Variants in SHKBP1 observed in about 807,000 individuals in gnomAD.
The protein encoded by SHKBP1 is SH3KBP1 binding protein 1, also known as SH3KBP1-binding protein 1.
Under a neutral mutation model 83.9 loss-of-function variants are expected in SHKBP1, and 71 were observed. The ratio of observed to expected loss-of-function variants is 0.85; its 90% CI spans 0.70 to 1.03. The LOEUF is 1.03. Ranked by LOEUF, SHKBP1 falls within the 50% of genes least tolerant of loss-of-function variation. The pLI, the probability that SHKBP1 is intolerant of heterozygous loss-of-function variation, is 0.00. For missense variants in SHKBP1, 824 were observed against 982.4 expected (o/e 0.84, Z 2.16); for synonymous variants, 371 against 398.0 (o/e 0.93, Z 0.81).
At chr19:40,577,125 C>T (rs2081220988) in intron 1 of SHKBP1, 106 bp from the exon 2 acceptor site, 12 of 1,420,126 alleles carry the variant, frequency 8.4e-6, no homozygotes, top group Admixed American at 7.8e-5. Flanking sequence ...TCTGGAAAAA[C>T]GCCGGGGGAG....
chr19:40,584,805 T>G (rs758925667), intron 12 of SHKBP1, among the ~76,000 whole-genome samples: 10 of 152,188 alleles, frequency 6.6e-5, no homozygotes, highest in Non-Finnish European at 1.3e-4. Flanking sequence ...CTACTTTAAG[T>G]AGAGACTGGG....
In SHKBP1 at chr19:40,580,795, G is replaced by A; in HGVS notation, c.703G>A (p.Asp235Asn). The change falls in exon 9 of 18, where the codon GAC (aspartate) becomes AAC (asparagine). Residue 235 changes from aspartate to asparagine, a missense_variant. Physicochemically the swap from Asp to Asn is conservative, Grantham distance 23. Around this residue, in one of 3 missense-constraint regions of SHKBP1, gnomAD observed 355 missense variants for 386.4 expected, o/e 0.92. Transcript: ENST00000291842. ...GCTGGTGTTTTCCAGCCCCCGCCTG[G>A]ACTGGCCCATCGAACGACTGGCGCT... The part of the protein sequence containing the change: ...WQLVFSSPRL[D>N]WPIERLALTA... The A allele has an allele frequency of 6.2e-7, 1 of 1,612,796 alleles. No individual in the cohort carries two copies. Among genetic ancestry groups the A allele is most frequent in the Non-Finnish European group, 8.5e-7 (1 of 1,179,284 alleles).
chr19:40,591,227 G>A lies in SHKBP1; in HGVS notation c.*20G>A, dbSNP rs371963751. On this transcript the variant is annotated 3_prime_UTR_variant, in exon 18 of 18. Coordinates refer to ENST00000291842, the MANE Select transcript of SHKBP1 (RefSeq NM_138392.4). ...TTTTGAACAACGCAGCTGCCATGAT[G>A]CCTTGGGATGCCCTGGTCCTGGGGG... 1.9e-6 allele frequency: 3 copies of A among 1,550,246 alleles called. No individual in the cohort carries two copies. The highest frequency in any genetic ancestry group is 2.7e-5 in the African/African-American group (2 of 73,878).
intron 14 of SHKBP1, 29 bp from the exon 15 acceptor site, chr19:40,589,053 G>T (rs765521124): frequency 5.6e-6 from 9 of 1,601,476 alleles, no homozygotes; most frequent in South Asian, 1.1e-5. Flanking sequence ...ATCCCAGCTG[G>T]CCCTGACCCC....
At chr19:40,582,227 T>A in intron 9 of SHKBP1, 124 bp from the exon 10 acceptor site, 2 of 786,842 alleles carry the variant, frequency 2.5e-6, no homozygotes, top group Non-Finnish European at 2.2e-6. Context: ...CAGCCCCTGA[T>A]GGAATCTTCT....
Position 40,586,447 on chromosome 19 carries a change from A to G in SHKBP1, c.1166-327A>G, listed in dbSNP as rs541530113. On this transcript the variant is annotated intron_variant, in intron 12 of 17. Transcript: ENST00000291842. ...AGTGGCGTGGTCTTGGCTCATTGCAACCTCTGCCTCCTGGGTTCAAGCAAT... is the reference window on the plus strand; with the variant it reads ...AGTGGCGTGGTCTTGGCTCATTGCAGCCTCTGCCTCCTGGGTTCAAGCAAT... 3.3e-4 allele frequency among the ~76,000 whole-genome samples: 50 copies of G among 149,766 alleles called. 2 individuals are homozygous for G. The highest frequency in any genetic ancestry group is 6.8e-3 in the Middle Eastern group (2 of 292).
chr19:40,577,574 C>T lies in SHKBP1; in HGVS notation c.204C>T (p.Asp68=), dbSNP rs2081228334. 3 of 1,613,954 alleles carry T rather than the reference C, an allele frequency of 1.9e-6. No individual in the cohort carries two copies. Among genetic ancestry groups the T allele is most frequent in the Non-Finnish European group, 2.5e-6 (3 of 1,180,020 alleles). ...TCCCGCAGATCTTCATCGACAGGGA[C>T]CCTACAGTCTTCGCCCCCATCCTCA... ...DETGAIFIDR[D]PTVFAPILNF... is the part of the protein sequence containing the mutation. Residue 68 remains aspartate (D), a synonymous_variant, in exon 4 of 18, where the codon GAC becomes GAT. Coordinates refer to ENST00000291842, the MANE Select transcript of SHKBP1 (RefSeq NM_138392.4).
At chr19:40,584,207 A>G (rs1180427363) in intron 12 of SHKBP1, among the ~76,000 whole-genome samples, 3 of 152,218 alleles carry the variant, frequency 2.0e-5, no homozygotes, top group African/African-American at 7.2e-5. Flanking sequence ...AGCACGTTCT[A>G]GGTGCTAGAT....
intron 12 of SHKBP1, chr19:40,585,550 T>TTTTTTTTTTTTTTTTTTTTTTTTC (rs398034634): frequency 1.4e-5 from 2 of 144,710 alleles, no homozygotes; most frequent in South Asian, 2.2e-4. Flanking sequence ...TTTTTTTTTT[T>TTTTTTTTTTTTTTTTTTTTTTTTC]GTCTTTTCCT....
intron 13 of SHKBP1, 81 bp downstream of exon 13, chr19:40,587,025 T>G (rs2081318239): frequency 2.3e-6 from 3 of 1,313,096 alleles, no homozygotes; most frequent in Non-Finnish European, 3.2e-6. Context: ...GAATTTCCAC[T>G]GGGGAGGGAC....
chr19:40,589,322 A>T, intron 15 of SHKBP1, 144 bp downstream of exon 15: 2 of 791,920 alleles, frequency 2.5e-6, no homozygotes, highest in South Asian at 1.6e-5. Context: ...AAAGGCTGGG[A>T]GGGAGGACAG....
chr19:40,588,622 A>G lies in SHKBP1; in HGVS notation c.1337-2A>G. 2 of 1,614,174 alleles carry G rather than the reference A, an allele frequency of 1.2e-6. No individual in the cohort carries two copies. Among genetic ancestry groups the G allele is most frequent in the African/African-American group, 1.3e-5 (1 of 75,060 alleles). ...ACTTCCTGCTCTCCTTGTGCCCCTC[A>G]GTCTGTGCCGACAACAACCACGTGC... is the stretch of plus-strand genomic sequence containing the variant. On this transcript the variant is annotated splice_acceptor_variant, in intron 13 of 17. Coordinates refer to ENST00000291842, the MANE Select transcript of SHKBP1 (RefSeq NM_138392.4). LOFTEE classifies it high-confidence loss of function.
At chr19:40,584,106 A>G (rs1379359194) in intron 12 of SHKBP1, among the ~76,000 whole-genome samples, 1 of 152,042 alleles carries the variant, frequency 6.6e-6, no homozygotes, top group East Asian at 1.9e-4. Flanking sequence ...CCCCCAAAGT[A>G]CTGGGATTAC....
In SHKBP1 at chr19:40,578,140, A is replaced by C; in HGVS notation, c.261-14A>C. 1 of 1,612,498 alleles carries C rather than the reference A, an allele frequency of 6.2e-7. No homozygotes were observed. The highest frequency in any genetic ancestry group is 2.2e-5 in the East Asian group (1 of 44,874). On this transcript the variant is annotated splice_polypyrimidine_tract_variant and intron_variant, in intron 4 of 17. Transcript: ENST00000291842. ...ACACCTAGACCCTGACCTCTAGTCA[A>C]TTCTACTACCCAGGGGTGTCCACGG...
chr19:40,590,304 C>T lies in SHKBP1; in HGVS notation c.1650C>T (p.Cys550=), dbSNP rs752536932. The change falls in exon 16 of 18, where the codon TGC becomes TGT. Residue 550 remains cysteine, a synonymous_variant. Transcript: ENST00000291842. This position sits in a 1 kb window ranked among gnomAD's most constrained non-coding sequence, Gnocchi z 4.6. ...SPTTAFTVLE[C]EGSRRLGSRP... is the part of the protein sequence containing the mutation. ...CGACAGCCTTCACAGTGCTGGAGTG[C>T]GAGGGCTCCCGGCGGCTCGGCTCTC... 1.2e-4 allele frequency: 191 copies of T among 1,608,582 alleles called. 2 individuals are homozygous for T. In the South Asian group the frequency reaches 1.3e-3, roughly 11 times the overall value.
Position 40,576,928 on chromosome 19 carries a change from G to T in SHKBP1, c.29G>T (p.Gly10Val). The change falls in exon 1 of 18, where the codon GGG (glycine) becomes GTG (valine). Residue 10 changes from glycine to valine, a missense_variant. Gly to Val is a moderately radical substitution (Grantham distance 109). This residue lies in a region of SHKBP1 where 355 missense variants were observed against 386.4 expected (regional missense o/e 0.92). Coordinates refer to ENST00000291842, the MANE Select transcript of SHKBP1 (RefSeq NM_138392.4). Reference sequence around the variant, plus strand: ...GCAGCAGCGGCTACTGCAGCCGAGGGGGTCCCCAGTCGGGGGCCTCCCGGG... The same window carrying T: ...GCAGCAGCGGCTACTGCAGCCGAGGTGGTCCCCAGTCGGGGGCCTCCCGGG... MAAAATAAE[G>V]VPSRGPPGEV... 6.7e-7 allele frequency: 1 copy of T among 1,490,342 alleles called. No individual in the cohort carries two copies. The highest frequency in any genetic ancestry group is 8.9e-7 in the Non-Finnish European group (1 of 1,124,792). 92.3% of individuals were successfully genotyped at this position (1,490,342 alleles called of 1,614,324 possible). A position where few individuals can be genotyped will look rare whatever the true frequency, so the allele number is the denominator to read the frequency against.
chr19:40,590,661 G>T lies in SHKBP1; in HGVS notation c.1769-69G>T, dbSNP rs1055382795. 27 of 1,509,650 alleles carry T rather than the reference G, an allele frequency of 1.8e-5. No homozygotes were observed. In the African/African-American group the frequency reaches 3.5e-4, roughly 19 times the overall value. 93.5% of individuals were successfully genotyped at this position (1,509,650 alleles called of 1,614,324 possible). A position where few individuals can be genotyped will look rare whatever the true frequency, so the allele number is the denominator to read the frequency against. On this transcript the variant is annotated intron_variant, in intron 16 of 17. Transcript: ENST00000291842. This position sits in a 1 kb window ranked among gnomAD's most constrained non-coding sequence, Gnocchi z 4.6. ...TGTCCTGACCCTCGGTGCTTGCACT[G>T]CAATGCAACCCAGGCCCTTGCCCTA...
At chr19:40,577,128 C>T in intron 1 of SHKBP1, 103 bp from the exon 2 acceptor site, 2 of 1,469,968 alleles carry the variant, frequency 1.4e-6, no homozygotes, top group Admixed American at 1.9e-5. Flanking sequence ...GGAAAAACGC[C>T]GGGGGAGGGG....
At chr19:40,585,761 A>G (rs928809451) in intron 12 of SHKBP1, 6 of 151,594 alleles carry the variant, frequency 4.0e-5, no homozygotes, top group African/African-American at 1.5e-4. Flanking sequence ...TTGGCTAAGC[A>G]AGTTTTGAAC....
Sources: gnomAD v4.1 joint callset for allele counts (sites outside exome capture counted in the v4.1 genomes callset) on GRCh38, gnomAD v4.1.1 for gene constraint, gnomAD v4.1.1 regional missense constraint, Gnocchi (gnomAD v3.1) non-coding constraint, MANE v1.5 for transcripts, NCBI Gene and HGNC (gene_info 2026-07-23, HGNC 2026-07-21) for gene names.